Variants in VEGFD observed in about 807,000 individuals in gnomAD.
The protein encoded by VEGFD is vascular endothelial growth factor D, also known as c-fos induced growth factor (vascular endothelial growth factor D).
VEGFD carries 26 observed loss-of-function variants against 28.0 expected under a neutral mutation model. The observed-to-expected ratio is 0.93, with a 90% CI of 0.68 to 1.29. VEGFD has a LOEUF of 1.29. VEGFD is among the 50% of genes most tolerant of loss of function. The pLI is 0.00. For synonymous variants in VEGFD, 93 were observed against 95.5 expected (o/e 0.97, Z 0.15); for missense variants, 294 against 273.4 (o/e 1.08, Z -0.53).
At chrX:15,375,907 G>A (rs1923427694) in intron 1 of VEGFD, among the ~76,000 whole-genome samples, 1 of 111,544 alleles carries the variant, frequency 9.0e-6, no homozygotes, top group Non-Finnish European at 1.9e-5. Context: ...TTTGAAATCT[G>A]TGCTCCACTC....
At chrX:15,353,932 GA>G (rs747246340) in intron 4 of VEGFD, among the ~76,000 whole-genome samples, 12 of 110,492 alleles carry the variant, frequency 1.1e-4, no homozygotes, top group Non-Finnish European at 1.7e-4. Flanking sequence ...GTTTATTTAC[GA>G]AAATTAAATA....
Position 15,358,069 on chromosome X carries a change from A to G in VEGFD, c.426T>C (p.Cys142=). 8.3e-7 allele frequency: 1 copy of G among 1,211,729 alleles called. No individual in the cohort carries two copies. The highest frequency in any genetic ancestry group is 1.1e-6 in the Non-Finnish European group (1 of 895,404). Residue 142 remains cysteine (C), a synonymous_variant, in exon 3 of 7, where the codon TGT becomes TGC. Transcript: ENST00000297904. ...GGCTCTCTTCATTGCAACAGCCACC[A>G]CATCGGAACACGTTCACACAAGGGG... ...FKPPCVNVFR[C]GGCCNEESLI... is the part of the protein sequence containing the mutation.
intron 1 of VEGFD, among the ~76,000 whole-genome samples, chrX:15,383,421 T>C (rs1025301920): frequency 1.7e-4 from 19 of 112,526 alleles, no homozygotes; most frequent in Admixed American, 4.7e-4. Flanking sequence ...AAAATGTTCA[T>C]AGAAAGCACT....
Position 15,351,353 on chromosome X carries a change from T to C in VEGFD, c.742+1715A>G, listed in dbSNP as rs960060648. Among the ~76,000 whole-genome samples the C allele has an allele frequency of 2.1e-4, 22 of 106,762 alleles. No individual in the cohort carries two copies. The East Asian group carries it at 6.5e-3, about 32-fold the overall frequency. 92.7% of individuals were successfully genotyped at this position (106,762 alleles called of 115,157 possible). A position where few individuals can be genotyped will look rare whatever the true frequency, so the allele number is the denominator to read the frequency against. ...CCAGGATGGTCTCAATCTCCTGACC[T>C]CGTGATCCGCCCGCCTCGGCCTCCC... On this transcript the variant is annotated intron_variant, in intron 5 of 6. Transcript: ENST00000297904.
intron 5 of VEGFD, among the ~76,000 whole-genome samples, chrX:15,349,333 G>A (rs1417090275): frequency 2.7e-5 from 3 of 112,570 alleles, no homozygotes; most frequent in African/African-American, 9.7e-5. Flanking sequence ...TCAGCAGGCT[G>A]TTTGGCAGAG....
intron 5 of VEGFD, among the ~76,000 whole-genome samples, chrX:15,351,184 CG>C (rs1922713391): frequency 2.2e-5 from 2 of 92,344 alleles, no homozygotes; most frequent in African/African-American, 8.0e-5. Flanking sequence ...GGCGGGATCT[CG>C]GCTCACTGCA....
intron 1 of VEGFD, among the ~76,000 whole-genome samples, chrX:15,363,936 G>C (rs1923082667): frequency 8.9e-6 from 1 of 112,128 alleles, no homozygotes; most frequent in South Asian, 3.7e-4. Flanking sequence ...TTGGAATTCT[G>C]GACTCTGGAG....
At chrX:15,353,597 G>A (rs150419555) in intron 4 of VEGFD, among the ~76,000 whole-genome samples, 3,358 of 111,213 alleles carry the variant, frequency 0.03, 44 homozygotes, top group Non-Finnish European at 0.037. Context: ...AAAATTAGCC[G>A]GGCGTGGCGG....
intron 5 of VEGFD, 71 bp downstream of exon 5, chrX:15,352,997 C>G: frequency 1.9e-6 from 1 of 525,040 alleles, no homozygotes; most frequent in Middle Eastern, 3.9e-4. Flanking sequence ...ATACTAAGTA[C>G]TCAATAACGG....
intron 5 of VEGFD, 120 bp downstream of exon 5, chrX:15,352,948 G>A: frequency 3.2e-6 from 1 of 308,484 alleles, no homozygotes; most frequent in Non-Finnish European, 5.9e-6. Context: ...AGAATTAAAT[G>A]AGTTAAAACA....
Position 15,347,147 on chromosome X carries a change from C to T in VEGFD, c.938+17G>A. 1 of 1,191,002 alleles carries T rather than the reference C, an allele frequency of 8.4e-7. No individual in the cohort carries two copies. The highest frequency in any genetic ancestry group is 2.3e-4 in the Middle Eastern group (1 of 4,257). Reference sequence around the variant, plus strand: ...TTAAATGTCATGAGTAAAGGCAAGACAACTCAAGGCATTTACCTGCAGGTG... The same window carrying T: ...TTAAATGTCATGAGTAAAGGCAAGATAACTCAAGGCATTTACCTGCAGGTG... On this transcript the variant is annotated intron_variant, in intron 6 of 6. Coordinates refer to ENST00000297904, the MANE Select transcript of VEGFD (RefSeq NM_004469.5).
intron 5 of VEGFD, among the ~76,000 whole-genome samples, chrX:15,349,784 T>C (rs1405348202): frequency 9.0e-6 from 1 of 111,429 alleles, no homozygotes; most frequent in Non-Finnish European, 1.9e-5. Context: ...GAAAAGGCAG[T>C]TGGCTTAACA....
intron 5 of VEGFD, among the ~76,000 whole-genome samples, chrX:15,351,120 T>C (rs558667411): frequency 2.3e-5 from 2 of 87,692 alleles, no homozygotes; most frequent in Non-Finnish European, 4.5e-5. Flanking sequence ...TCTTTTTTTT[T>C]TTTTTCTTTT....
intron 1 of VEGFD, among the ~76,000 whole-genome samples, chrX:15,364,964 C>T (rs1923110228): frequency 8.9e-6 from 1 of 111,732 alleles, no homozygotes; most frequent in Non-Finnish European, 1.9e-5. Flanking sequence ...AAAATGGGTA[C>T]TCAGAAGAGC....
chrX:15,346,311 A>G, intron 6 of VEGFD, 52 bp from the exon 7 acceptor site: 1 of 1,158,282 alleles, frequency 8.6e-7, no homozygotes, highest in Middle Eastern at 3.3e-4. Context: ...ACTGGATTCA[A>G]AAGAATAACT....
At chrX:15,375,676 A>G (rs1467705220) in intron 1 of VEGFD, among the ~76,000 whole-genome samples, 1 of 112,187 alleles carries the variant, frequency 8.9e-6, no homozygotes, top group Non-Finnish European at 1.9e-5. Flanking sequence ...TGAGGAAAGG[A>G]ACTACAAATG....
chrX:15,381,057 T>C (rs1202920657), intron 1 of VEGFD, among the ~76,000 whole-genome samples: 1 of 112,396 alleles, frequency 8.9e-6, no homozygotes, highest in African/African-American at 3.2e-5. Context: ...AACAGCTAAA[T>C]AGTATACACA....
intron 3 of VEGFD, among the ~76,000 whole-genome samples, chrX:15,355,519 T>C (rs753009646): frequency 2.7e-5 from 3 of 111,978 alleles, no homozygotes; most frequent in Non-Finnish European, 5.6e-5. Context: ...AAAATGGTAC[T>C]GTTAATCCCT....
rs775109555 is a variant in VEGFD, at chrX:15,357,884, T to C, written c.492+119A>G. The C allele has an allele frequency of 7.1e-5, 43 of 607,712 alleles. No individual in the cohort carries two copies. The Middle Eastern group carries it at 2.7e-3, about 38-fold the overall frequency. 50.1% of individuals were successfully genotyped at this position (607,712 alleles called of 1,213,427 possible). A position where few individuals can be genotyped will look rare whatever the true frequency, so the allele number is the denominator to read the frequency against. The stretch of plus-strand genomic sequence containing the variant: ...ATACCCTCTTGATTTGTTTCAAAGA[T>C]TAAATGCGATTATGCACATAAAGCA... On this transcript the variant is annotated intron_variant, in intron 3 of 6. Coordinates refer to ENST00000297904, the MANE Select transcript of VEGFD (RefSeq NM_004469.5).
Sources: gnomAD v4.1 joint callset for allele counts (sites outside exome capture counted in the v4.1 genomes callset) on GRCh38, gnomAD v4.1.1 for gene constraint, MANE v1.5 for transcripts, NCBI Gene and HGNC (gene_info 2026-07-23, HGNC 2026-07-21) for gene names.